Variants in URI1 observed in about 807,000 individuals in gnomAD.
URI1 encodes unconventional prefoldin RPB5 interactor 1.
A neutral mutation model predicts 60.2 loss-of-function variants in URI1; 39 were observed. The observed-to-expected ratio is 0.65, with a 90% CI of 0.50 to 0.85. URI1 has a LOEUF of 0.85. Ranked by LOEUF, URI1 falls within the 40% of genes least tolerant of loss-of-function variation. URI1 has a pLI of 0.00. For synonymous variants in URI1, 251 were observed against 236.8 expected, an observed-to-expected ratio of 1.06 and a Z score of -0.55; for missense variants, 691 against 665.9, an observed-to-expected ratio of 1.04 and a Z score of -0.42.
At chr19:30,011,059 C>A in intron 8 of URI1, 35 bp from the exon 9 acceptor site, 1 of 1,588,482 alleles carries the variant, frequency 6.3e-7, no homozygotes, top group South Asian at 1.2e-5. Context: ...TTTAATTTGT[C>A]AAAAGATTCT....
intron 4 of URI1, among the ~76,000 whole-genome samples, chr19:29,998,278 T>G (rs920784648): frequency 8.5e-5 from 13 of 152,184 alleles, no homozygotes; most frequent in African/African-American, 2.9e-4. Flanking sequence ...CTGTTCCATG[T>G]TTCCCTTAGA....
intron 1 of URI1, among the ~76,000 whole-genome samples, chr19:29,957,761 A>T (rs1244902950): frequency 6.6e-6 from 1 of 152,176 alleles, no homozygotes; most frequent in Non-Finnish European, 1.5e-5. Flanking sequence ...AAAATCTATG[A>T]ACATGGTATA....
intron 1 of URI1, among the ~76,000 whole-genome samples, chr19:29,962,756 A>G (rs1043174206): frequency 2.6e-5 from 4 of 152,052 alleles, no homozygotes; most frequent in African/African-American, 9.7e-5. Context: ...AAGACATTTT[A>G]TTAACAACAT....
At position 30,012,616 on chromosome 19, in the gene URI1, AAATT is replaced by A. The variant is rs762895631; in HGVS notation, c.1425+90_1425+93del. The A allele has an allele frequency of 6.1e-4, 912 of 1,484,624 alleles. 6 individuals are homozygous for A. The highest frequency in any genetic ancestry group is 5.1e-4 in the Non-Finnish European group (561 of 1,109,918). The allele number at this position is 1,484,624 out of a possible 1,614,324, so 92.0% of individuals were successfully genotyped here. ...ATTTAATCTGAAAAGTCATAAGATTAAATTAATTCTAGGTTTTATACTTTCTTGG... is the reference window on the plus strand; with the variant it reads ...ATTTAATCTGAAAAGTCATAAGATTAAATTCTAGGTTTTATACTTTCTTGG... On this transcript the variant is annotated intron_variant, in intron 10 of 10. Coordinates refer to ENST00000392271, the MANE Select transcript of URI1 (RefSeq NM_003796.3).
chr19:29,924,475 T>G (rs2054848616), intron 1 of URI1, among the ~76,000 whole-genome samples: 1 of 152,198 alleles, frequency 6.6e-6, no homozygotes, highest in South Asian at 2.1e-4. Context: ...CTGTCATTTT[T>G]TAGCCACCTC....
At chr19:30,008,938 C>T (rs2055978679) in intron 7 of URI1, 67 bp from the exon 8 acceptor site, 1 of 1,278,000 alleles carries the variant, frequency 7.8e-7, no homozygotes, top group East Asian at 2.6e-5. Flanking sequence ...TGGAAACTAA[C>T]TGGAAATTTA....
At chr19:29,933,805 G>C (rs1417046683) in intron 1 of URI1, among the ~76,000 whole-genome samples, 1 of 140,218 alleles carries the variant, frequency 7.1e-6, no homozygotes, top group Non-Finnish European at 1.5e-5. Flanking sequence ...CTGGGCAACA[G>C]AGTGAGACTC....
At chr19:29,975,658 C>T (rs540729794) in intron 2 of URI1, among the ~76,000 whole-genome samples, 15 of 152,188 alleles carry the variant, frequency 9.9e-5, no homozygotes, top group African/African-American at 3.6e-4. Context: ...CGCGTGCCGC[C>T]ATGCCCAGCT....
At chr19:29,952,608 C>G (rs1344065637) in intron 1 of URI1, among the ~76,000 whole-genome samples, 1 of 152,014 alleles carries the variant, frequency 6.6e-6, no homozygotes, top group African/African-American at 2.4e-5. Context: ...TTTTTTTCTC[C>G]TAGCCTCTGA....
chr19:30,009,362 A>G lies in URI1; in HGVS notation c.1035+9A>G. ...CTGTTGAGCCTAAGAGGGTTTGTAT[A>G]CTTTTAACTTTACTAATTTTGCATA... On this transcript the variant is annotated intron_variant, in intron 8 of 10. Coordinates refer to ENST00000392271, the MANE Select transcript of URI1 (RefSeq NM_003796.3). The G allele has an allele frequency of 6.3e-7, 1 of 1,591,530 alleles. No individual in the cohort carries two copies. Among genetic ancestry groups the G allele is most frequent in the Non-Finnish European group, 8.6e-7 (1 of 1,166,008 alleles).
chr19:29,971,838 A>G (rs1333120824), intron 2 of URI1, among the ~76,000 whole-genome samples: 3 of 152,004 alleles, frequency 2.0e-5, no homozygotes, highest in East Asian at 3.9e-4. Context: ...ATGAGTTGTC[A>G]TGAAGTATAG....
chr19:29,934,857 A>G (rs912941741), intron 1 of URI1, among the ~76,000 whole-genome samples: 2 of 152,208 alleles, frequency 1.3e-5, no homozygotes, highest in African/African-American at 4.8e-5. Context: ...GGCATAAGCC[A>G]ACATGCCCAT....
Position 30,009,121 on chromosome 19 carries a change from G to A in URI1, c.803G>A (p.Cys268Tyr), listed in dbSNP as rs1178794281. 2 of 1,613,874 alleles carry A rather than the reference G, an allele frequency of 1.2e-6. No homozygotes were observed. Among genetic ancestry groups the A allele is most frequent in the Non-Finnish European group, 8.5e-7 (1 of 1,179,958 alleles). ...CAAGTAACAGACTCTCATACTCCTT[G>A]TCATAAGGATGTTGCAAGTTCAGAA... ...MHQVTDSHTP[C>Y]HKDVASSEPF... The change falls in exon 8 of 11, where the codon TGT becomes TAT. Residue 268 changes from cysteine to tyrosine, a missense_variant. Physicochemically the swap from Cys to Tyr is radical, Grantham distance 194. Transcript: ENST00000392271.
intron 2 of URI1, among the ~76,000 whole-genome samples, chr19:29,978,686 G>A (rs1341995867): frequency 6.6e-6 from 1 of 152,058 alleles, no homozygotes; most frequent in Non-Finnish European, 1.5e-5. Context: ...GACAGATTGG[G>A]GTGGGTATCA....
Position 29,951,838 on chromosome 19 carries a change from G to A in URI1, c.117+9174G>A, listed in dbSNP as rs141660956. Among the ~76,000 whole-genome samples, 8 of 152,166 alleles carry A rather than the reference G, an allele frequency of 5.3e-5. No homozygotes were observed. In the South Asian group the frequency reaches 6.2e-4, roughly 12 times the overall value. ...GCTGGGATTACAGGCGTGAGCCACC[G>A]TGCCTGGCTTGTGCATTCTTTTTTC... On this transcript the variant is annotated intron_variant, in intron 1 of 10. Transcript: ENST00000392271.
intron 2 of URI1, among the ~76,000 whole-genome samples, chr19:29,981,875 GA>G (rs761958456): frequency 3.3e-5 from 5 of 151,182 alleles, no homozygotes; most frequent in African/African-American, 7.3e-5. Context: ...TATTAAAATA[GA>G]AAAAAAAATC....
At chr19:30,014,814 A>G (rs1311268036) in intron 10 of URI1, 73 bp from the exon 11 acceptor site, 1 of 1,431,970 alleles carries the variant, frequency 7.0e-7, no homozygotes, top group African/African-American at 1.4e-5. Context: ...AGAATTGCCA[A>G]ATGAGTGAAT....
intron 1 of URI1, among the ~76,000 whole-genome samples, chr19:29,960,015 T>C (rs1299805667): frequency 6.6e-6 from 1 of 152,176 alleles, no homozygotes; most frequent in African/African-American, 2.4e-5. Flanking sequence ...ACATTTTGTA[T>C]GTCATTTTCC....
chr19:29,934,145 A>C (rs2054948036), intron 1 of URI1, among the ~76,000 whole-genome samples: 2 of 152,106 alleles, frequency 1.3e-5, no homozygotes, highest in South Asian at 4.1e-4. Context: ...CATGTTGGCC[A>C]GGCTGGTCTT....
Sources: gnomAD v4.1 joint callset for allele counts (sites outside exome capture counted in the v4.1 genomes callset) on GRCh38, gnomAD v4.1.1 for gene constraint, MANE v1.5 for transcripts, NCBI Gene and HGNC (gene_info 2026-07-23, HGNC 2026-07-21) for gene names.